Variants in TMOD2 observed in about 807,000 individuals in gnomAD.
The protein encoded by TMOD2 is tropomodulin 2, also known as tropomodulin-2.
In TMOD2, 22 loss-of-function variants were observed where a neutral mutation model predicts 39.9. That is an observed-to-expected ratio of 0.55 (90% confidence interval 0.39 to 0.79). The LOEUF (loss-of-function observed/expected upper bound fraction) is 0.79, where lower values mean the gene tolerates loss of function less well. TMOD2 is among the 30% of genes least tolerant of loss of function. The probability of loss-of-function intolerance (pLI) is 0.00; values close to 1 mark genes in which losing one functional copy is unlikely to be tolerated. For synonymous variants in TMOD2, 123 were observed against 146.1 expected, an observed-to-expected ratio of 0.84 and a Z score of 1.14; for missense variants, 386 against 413.3, an observed-to-expected ratio of 0.93 and a Z score of 0.57.
Position 51,810,998 on chromosome 15 carries a change from T to G in TMOD2, c.*2544T>G, listed in dbSNP as rs1183562500. On this transcript the variant is annotated 3_prime_UTR_variant, in exon 10 of 10. Coordinates refer to ENST00000249700, the MANE Select transcript of TMOD2 (RefSeq NM_014548.4). ...TCAAAAATATAGCACTGTTTTTACC[T>G]TATGAAATAGTTGGGTTGCATGCAA... is the stretch of plus-strand genomic sequence containing the variant. The G allele has an allele frequency of 1.3e-5, 2 of 152,222 alleles. No individual in the cohort carries two copies. The highest frequency in any genetic ancestry group is 2.9e-5 in the Non-Finnish European group (2 of 68,030). 9.4% of individuals were successfully genotyped at this position (152,222 alleles called of 1,614,324 possible). A position where few individuals can be genotyped will look rare whatever the true frequency, so the allele number is the denominator to read the frequency against.
intron 7 of TMOD2, 138 bp downstream of exon 7, chr15:51,782,966 C>T (rs1271351355): frequency 7.4e-6 from 5 of 677,628 alleles, no homozygotes; most frequent in Non-Finnish European, 1.2e-5. Flanking sequence ...ATTATAGTTA[C>T]AATGCAATAG....
chr15:51,764,785 C>T (rs1298170364), intron 1 of TMOD2, among the ~76,000 whole-genome samples: 4 of 152,156 alleles, frequency 2.6e-5, no homozygotes, highest in Non-Finnish European at 4.4e-5. Context: ...CCTAGAATGA[C>T]ACTTGCCCAT....
rs886453194 is a variant in TMOD2 at position 51,808,613 on chromosome 15, A to G, written c.*159A>G. Reference sequence around the variant, plus strand: ...TATTCTTTTTTAGCACTACTTATTTATCTTGGATTTTGTAATATATGCAAT... The same window carrying G: ...TATTCTTTTTTAGCACTACTTATTTGTCTTGGATTTTGTAATATATGCAAT... On this transcript the variant is annotated 3_prime_UTR_variant, in exon 10 of 10. Transcript: ENST00000249700. 4.1e-6 allele frequency: 2 copies of G among 491,614 alleles called. No individual in the cohort carries two copies. The highest frequency in any genetic ancestry group is 4.0e-5 in the African/African-American group (2 of 50,376). The allele number at this position is 491,614 out of a possible 1,614,324, so 30.5% of individuals were successfully genotyped here. A position where few individuals can be genotyped will look rare whatever the true frequency, so the allele number is the denominator to read the frequency against.
chr15:51,806,742 A>G (rs1205395931), intron 9 of TMOD2, among the ~76,000 whole-genome samples: 2 of 152,056 alleles, frequency 1.3e-5, no homozygotes, highest in African/African-American at 2.4e-5. Context: ...AGTTTGTTCT[A>G]TTTTCCAGGC....
intron 1 of TMOD2, among the ~76,000 whole-genome samples, chr15:51,757,682 C>T (rs1301718735): frequency 2.0e-5 from 3 of 152,122 alleles, no homozygotes; most frequent in Non-Finnish European, 4.4e-5. Flanking sequence ...GAGGCTGTAG[C>T]AGTGCTTGCT....
chr15:51,752,882 A>AT (rs1397660410), intron 1 of TMOD2: 2 of 152,210 alleles, frequency 1.3e-5, no homozygotes, highest in Non-Finnish European at 2.9e-5. Context: ...TACGCATTGC[A>AT]ATCATTTTAA....
intron 9 of TMOD2, 47 bp downstream of exon 9, chr15:51,806,568 C>T (rs1337296801): frequency 1.2e-6 from 2 of 1,605,742 alleles, no homozygotes; most frequent in African/African-American, 2.7e-5. Context: ...AGAGCATGAG[C>T]ATTCACTTCT....
Position 51,760,857 on chromosome 15 carries a change from T to C in TMOD2, c.-69-5516T>C, listed in dbSNP as rs138869024. ...CCTTAATCTAATCACAACTCATTTG[T>C]TTTGCCATGTAAAGTAACATATAGA... On this transcript the variant is annotated intron_variant, in intron 1 of 9. Transcript: ENST00000249700. Among the ~76,000 whole-genome samples the C allele has an allele frequency of 2.9e-3, 434 of 151,946 alleles. 3 individuals carry two copies. Among genetic ancestry groups the C allele is most frequent in the Middle Eastern group, 0.017 (5 of 294 alleles).
chr15:51,762,216 G>A (rs1176766529), intron 1 of TMOD2, among the ~76,000 whole-genome samples: 1 of 151,990 alleles, frequency 6.6e-6, no homozygotes, highest in African/African-American at 2.4e-5. Context: ...CAGCACTGTG[G>A]TAGGCCAGGC....
Position 51,809,833 on chromosome 15 carries a change from C to A in TMOD2, c.*1379C>A, listed in dbSNP as rs1337430077. 2 of 151,906 alleles carry A rather than the reference C, an allele frequency of 1.3e-5. No individual in the cohort carries two copies. The highest frequency in any genetic ancestry group is 3.9e-4 in the East Asian group (2 of 5,190). The allele number at this position is 151,906 out of a possible 1,614,324, so 9.4% of individuals were successfully genotyped here. On this transcript the variant is annotated 3_prime_UTR_variant, in exon 10 of 10. Coordinates refer to ENST00000249700, the MANE Select transcript of TMOD2 (RefSeq NM_014548.4). Reference sequence around the variant, plus strand: ...GAATTTGTTTAGTAGCTGAGTGTTCCTGAGTTGCCTAGTAGCAATAAAACA... The same window carrying A: ...GAATTTGTTTAGTAGCTGAGTGTTCATGAGTTGCCTAGTAGCAATAAAACA...
intron 1 of TMOD2, among the ~76,000 whole-genome samples, chr15:51,758,341 A>G (rs1472240543): frequency 6.6e-6 from 1 of 152,204 alleles, no homozygotes; most frequent in Non-Finnish European, 1.5e-5. Flanking sequence ...AGAGAGAACC[A>G]TACATGCAAC....
At chr15:51,793,652 C>A (rs1287693395) in intron 7 of TMOD2, among the ~76,000 whole-genome samples, 4 of 152,206 alleles carry the variant, frequency 2.6e-5, no homozygotes, top group African/African-American at 9.7e-5. Flanking sequence ...ATTTGCTGAA[C>A]TGAAGTGAAC....
In TMOD2 at chr15:51,763,924, A is replaced by T. The variant is rs1036346507; in HGVS notation, c.-69-2449A>T. Among the ~76,000 whole-genome samples the T allele has an allele frequency of 3.9e-5, 6 of 152,164 alleles. 1 individual carries two copies. The highest frequency in any genetic ancestry group is 1.4e-4 in the African/African-American group (6 of 41,438). ...TTAAGTAGGGTGCTTCAACCAATTC[A>T]TTTGATGGATAAGGGCCTGGAAGAT... On this transcript the variant is annotated intron_variant, in intron 1 of 9. Coordinates refer to ENST00000249700, the MANE Select transcript of TMOD2 (RefSeq NM_014548.4).
intron 1 of TMOD2, among the ~76,000 whole-genome samples, chr15:51,766,140 A>G (rs2055815029): frequency 1.3e-5 from 2 of 152,368 alleles, no homozygotes; most frequent in South Asian, 4.1e-4. Flanking sequence ...TGGGAATGAT[A>G]ATATCGTCAC....
intron 3 of TMOD2, among the ~76,000 whole-genome samples, chr15:51,770,189 C>G (rs1437827073): frequency 1.4e-4 from 21 of 152,264 alleles, no homozygotes; most frequent in Admixed American, 1.3e-3. Flanking sequence ...CATTCACTCC[C>G]CTGAACCTGC....
rs773850801 is a variant in TMOD2, at chr15:51,782,705, G to A, written c.625-16G>A. The A allele has an allele frequency of 2.5e-6, 4 of 1,603,826 alleles. No homozygotes were observed. In the East Asian group the frequency reaches 8.9e-5, roughly 36 times the overall value. On this transcript the variant is annotated splice_polypyrimidine_tract_variant and intron_variant, in intron 6 of 9. Transcript: ENST00000249700. ...ATACAATGGTTCATCAACTAGCCAT[G>A]TCCTCTCTGTCTTAGAACATTCCAA... is the stretch of plus-strand genomic sequence containing the variant.
In TMOD2 at chr15:51,760,881, G is replaced by C. The variant is rs989129920; in HGVS notation, c.-69-5492G>C. The stretch of plus-strand genomic sequence containing the variant: ...GTTTTGCCATGTAAAGTAACATATA[G>C]ATGTGAGGAATAGGAGGAGGACGTA... On this transcript the variant is annotated intron_variant, in intron 1 of 9. Coordinates refer to ENST00000249700, the MANE Select transcript of TMOD2 (RefSeq NM_014548.4). Among the ~76,000 whole-genome samples, 4 of 152,152 alleles carry C rather than the reference G, an allele frequency of 2.6e-5. No homozygotes were observed. The East Asian group carries it at 7.7e-4, about 29-fold the overall frequency.
chr15:51,794,845 T>C (rs1003370942), intron 7 of TMOD2, among the ~76,000 whole-genome samples: 2 of 152,224 alleles, frequency 1.3e-5, no homozygotes, highest in Non-Finnish European at 2.9e-5. Flanking sequence ...CACTTCCAAA[T>C]TGTAGATATT....
chr15:51,788,399 G>A (rs2055985744), intron 7 of TMOD2, among the ~76,000 whole-genome samples: 1 of 152,150 alleles, frequency 6.6e-6, no homozygotes, highest in Non-Finnish European at 1.5e-5. Flanking sequence ...ACGTTTGATT[G>A]GTGTACCTGA....
Sources: gnomAD v4.1 joint callset for allele counts (sites outside exome capture counted in the v4.1 genomes callset) on GRCh38, gnomAD v4.1.1 for gene constraint, MANE v1.5 for transcripts, NCBI Gene and HGNC (gene_info 2026-07-23, HGNC 2026-07-21) for gene names.